SCHIP1: variants seen among roughly 807,000 people sequenced by gnomAD.
SCHIP1 encodes the protein schwannomin-interacting protein 1.
SCHIP1 carries 8 observed loss-of-function variants against 29.7 expected under a neutral mutation model. That is an observed-to-expected ratio of 0.27 (90% CI 0.16 to 0.49). The LOEUF is 0.49. Ranked by LOEUF, SCHIP1 falls within the 20% of genes least tolerant of loss-of-function variation. The probability of loss-of-function intolerance (pLI) is 0.99; values close to 1 mark genes in which losing one functional copy is unlikely to be tolerated. For missense variants in SCHIP1, 193 were observed against 294.6 expected (o/e 0.66, Z 2.52); for synonymous variants, 76 against 94.9 (o/e 0.80, Z 1.16).
the SCHIP1 span, among the ~76,000 whole-genome samples, chr3:159,359,466 C>A: frequency 6.6e-5 from 10 of 152,102 alleles, no homozygotes; most frequent in Non-Finnish European, 1.3e-4. Flanking sequence ...AAAATACTAC[C>A]CACATGTCTA....
the SCHIP1 span, among the ~76,000 whole-genome samples, chr3:159,450,727 G>C: frequency 6.6e-6 from 1 of 151,060 alleles, no homozygotes; most frequent in Non-Finnish European, 1.5e-5. Flanking sequence ...CATCCTATAG[G>C]AAAATTTTGA....
exon 7 of SCHIP1, chr3:159,896,731 A>G: frequency 6.2e-7 from 1 of 1,606,436 alleles, no homozygotes; most frequent in Non-Finnish European, 8.5e-7. Flanking sequence ...AGACATGCTG[A>G]AAGTCAGCAG....
the SCHIP1 span, among the ~76,000 whole-genome samples, chr3:159,718,795 T>C: frequency 1.3e-5 from 2 of 152,096 alleles, no homozygotes; most frequent in African/African-American, 4.8e-5. Context: ...ATTGTGAAAA[T>C]GGCCACACTT....
At chr3:159,566,013 A>G in the SCHIP1 span, among the ~76,000 whole-genome samples, 1 of 152,222 alleles carries the variant, frequency 6.6e-6, no homozygotes, top group South Asian at 2.1e-4. Flanking sequence ...TATTTATGAA[A>G]TAAATGGAAA....
At chr3:159,683,911 G>A in the SCHIP1 span, among the ~76,000 whole-genome samples, 1 of 144,774 alleles carries the variant, frequency 6.9e-6, no homozygotes, top group South Asian at 2.1e-4. Flanking sequence ...TTTCCTTTGT[G>A]TAAAACTTCT....
At chr3:159,490,729 T>C in the SCHIP1 span, among the ~76,000 whole-genome samples, 2 of 152,214 alleles carry the variant, frequency 1.3e-5, no homozygotes, top group African/African-American at 2.4e-5. Flanking sequence ...AGATTTACAC[T>C]GCAAACTCCA....
chr3:159,700,586 G>A, the SCHIP1 span, among the ~76,000 whole-genome samples: 221 of 152,248 alleles, frequency 1.5e-3, no homozygotes, highest in African/African-American at 5.2e-3. Flanking sequence ...TTGGGAGGCC[G>A]AGGCTGGTGG....
the SCHIP1 span, among the ~76,000 whole-genome samples, chr3:159,339,644 C>T: frequency 1.3e-5 from 2 of 152,140 alleles, no homozygotes; most frequent in Non-Finnish European, 2.9e-5. Flanking sequence ...ACTTATTTAA[C>T]AGATGTTTTA....
At chr3:159,848,477 G>A (rs537945514) in intron 1 of SCHIP1, among the ~76,000 whole-genome samples, 1 of 152,190 alleles carries the variant, frequency 6.6e-6, no homozygotes, top group South Asian at 2.1e-4. Context: ...TTCCATTCCT[G>A]TATTCATTTG....
At chr3:159,402,081 C>T in the SCHIP1 span, among the ~76,000 whole-genome samples, 5 of 151,970 alleles carry the variant, frequency 3.3e-5, no homozygotes, top group African/African-American at 1.2e-4. Flanking sequence ...AACAAATTTA[C>T]AAGAAAAAAA....
At chr3:159,324,752 C>CT in the SCHIP1 span, among the ~76,000 whole-genome samples, 1 of 151,996 alleles carries the variant, frequency 6.6e-6, no homozygotes, top group Non-Finnish European at 1.5e-5. Flanking sequence ...AATAGAGGGA[C>CT]TAAAGGTATT....
At chr3:159,517,386 T>A in the SCHIP1 span, among the ~76,000 whole-genome samples, 1 of 152,122 alleles carries the variant, frequency 6.6e-6, no homozygotes, top group Non-Finnish European at 1.5e-5. Context: ...ACTGGGACCC[T>A]GCTACCCAGT....
the SCHIP1 span, among the ~76,000 whole-genome samples, chr3:159,325,965 G>A: frequency 2.6e-5 from 4 of 152,182 alleles, no homozygotes; most frequent in African/African-American, 9.6e-5. Context: ...GTTTATGACA[G>A]ACAACATGAT....
At chr3:159,308,503 C>CA in the SCHIP1 span, among the ~76,000 whole-genome samples, 1 of 151,906 alleles carries the variant, frequency 6.6e-6, no homozygotes, top group Non-Finnish European at 1.5e-5. Context: ...TCAGAATGGC[C>CA]ATTATTAAAC....
At chr3:159,558,898 A>T in the SCHIP1 span, among the ~76,000 whole-genome samples, 1 of 152,198 alleles carries the variant, frequency 6.6e-6, no homozygotes, top group South Asian at 2.1e-4. Flanking sequence ...ATTATCTATA[A>T]CTATGACACC....
chr3:159,333,439 T>G, the SCHIP1 span, among the ~76,000 whole-genome samples: 1 of 152,182 alleles, frequency 6.6e-6, no homozygotes, highest in Non-Finnish European at 1.5e-5. Flanking sequence ...AATTGCTGAA[T>G]GAGATCTTGT....
At chr3:159,624,221 T>G in the SCHIP1 span, among the ~76,000 whole-genome samples, 1 of 152,214 alleles carries the variant, frequency 6.6e-6, no homozygotes, top group African/African-American at 2.4e-5. Context: ...CCATTAATAG[T>G]TCCATATTCC....
the SCHIP1 span, among the ~76,000 whole-genome samples, chr3:159,407,496 A>G: frequency 6.6e-6 from 1 of 152,230 alleles, no homozygotes; most frequent in Non-Finnish European, 1.5e-5. Context: ...AAATAGACAA[A>G]GAAACATTGG....
chr3:159,335,268 G>C, the SCHIP1 span, among the ~76,000 whole-genome samples: 1 of 152,128 alleles, frequency 6.6e-6, no homozygotes, highest in African/African-American at 2.4e-5. Context: ...AGCAGCATAT[G>C]AGAGATCCAA....
Sources: gnomAD v4.1 joint callset for allele counts (sites outside exome capture counted in the v4.1 genomes callset) on GRCh38, gnomAD v4.1.1 for gene constraint, MANE v1.5 for transcripts, NCBI Gene and HGNC (gene_info 2026-07-23, HGNC 2026-07-21) for gene names.